Variants in ASIC2 observed in about 807,000 individuals in gnomAD.
ASIC2 encodes acid sensing ion channel subunit 2.
ASIC2 carries 25 observed loss-of-function variants against 57.3 expected under a neutral mutation model. The observed-to-expected ratio is 0.44, with a 90% CI of 0.32 to 0.61. The LOEUF (loss-of-function observed/expected upper bound fraction) is 0.61, where lower values mean the gene tolerates loss of function less well. Ranked by LOEUF, ASIC2 falls within the 20% of genes least tolerant of loss-of-function variation. The probability of loss-of-function intolerance (pLI) is 0.06; values close to 1 mark genes in which losing one functional copy is unlikely to be tolerated. For synonymous variants in ASIC2, 319 were observed against 307.5 expected (o/e 1.04, Z -0.39); for missense variants, 641 against 738.1 (o/e 0.87, Z 1.52).
chr17:33,793,797 T>G (rs551542730), intron 1 of ASIC2: 3 of 152,300 alleles, frequency 2.0e-5, no homozygotes, highest in Admixed American at 1.3e-4. Flanking sequence ...ATAATATACT[T>G]CGTCATTTGA....
At chr17:34,009,324 TC>T (rs1324397875) in intron 1 of ASIC2, among the ~76,000 whole-genome samples, 1 of 152,156 alleles carries the variant, frequency 6.6e-6, no homozygotes, top group East Asian at 1.9e-4. Context: ...GGCTGCATCA[TC>T]CAATGTGAAA....
chr17:33,810,416 T>C (rs889451040), intron 1 of ASIC2, among the ~76,000 whole-genome samples: 1 of 152,154 alleles, frequency 6.6e-6, no homozygotes, highest in Non-Finnish European at 1.5e-5. Flanking sequence ...TGTGTGGGGG[T>C]GGGCATCAGG....
intron 1 of ASIC2, among the ~76,000 whole-genome samples, chr17:33,165,854 C>T (rs1193597248): frequency 1.3e-5 from 2 of 152,144 alleles, no homozygotes; most frequent in African/African-American, 4.8e-5. Flanking sequence ...TTAGACTTCA[C>T]TTTCACTTAT....
At chr17:34,020,384 C>T (rs1177467659) in intron 1 of ASIC2, among the ~76,000 whole-genome samples, 2 of 152,148 alleles carry the variant, frequency 1.3e-5, no homozygotes, top group Non-Finnish European at 2.9e-5. Context: ...GCCACTGCCC[C>T]AGATCCAAGT....
rs1452831739 is a variant in ASIC2 at position 33,491,406 on chromosome 17, A to G, written c.556-379339T>C. On this transcript the variant is annotated intron_variant, in intron 1 of 9. Coordinates refer to the ASIC2 transcript ENST00000359872. Reference sequence around the variant, plus strand: ...GTCCCTGTCTGCAATTCATTTCCGCATTTCCTACAGTTTCTGGCTCCTCGA... The same window carrying G: ...GTCCCTGTCTGCAATTCATTTCCGCGTTTCCTACAGTTTCTGGCTCCTCGA... Among the ~76,000 whole-genome samples, 3 of 152,102 alleles carry G rather than the reference A, an allele frequency of 2.0e-5. No individual in the cohort carries two copies. In the East Asian group the frequency reaches 5.8e-4, roughly 29 times the overall value.
intron 1 of ASIC2, among the ~76,000 whole-genome samples, chr17:34,143,417 C>A (rs2142137984): frequency 6.6e-6 from 1 of 152,306 alleles, no homozygotes; most frequent in East Asian, 1.9e-4. Context: ...GTGATTACAT[C>A]ATTAAGATGA....
intron 1 of ASIC2, among the ~76,000 whole-genome samples, chr17:33,928,344 A>G (rs1915865767): frequency 6.6e-6 from 1 of 152,142 alleles, no homozygotes; most frequent in Non-Finnish European, 1.5e-5. Context: ...CGTGGGGGGC[A>G]GGGGCACTTC....
chr17:33,932,755 TATATATAG>T (rs1214698752), intron 1 of ASIC2: 1 of 131,718 alleles, frequency 7.6e-6, no homozygotes, highest in African/African-American at 2.9e-5. Context: ...TATATATATA[TATATATAG>T]TATGATAAAT....
chr17:33,741,583 G>A (rs1046852768), intron 1 of ASIC2, among the ~76,000 whole-genome samples: 1 of 152,210 alleles, frequency 6.6e-6, no homozygotes, highest in Non-Finnish European at 1.5e-5. Context: ...GGGTGATGAA[G>A]AGTCTCCTGG....
At chr17:33,132,640 A>G (rs573632746) in intron 1 of ASIC2, among the ~76,000 whole-genome samples, 23 of 152,312 alleles carry the variant, frequency 1.5e-4, no homozygotes, top group African/African-American at 5.5e-4. Flanking sequence ...CCTCTGGTAG[A>G]GTCCAATTTC....
chr17:33,448,952 C>T (rs947646942), intron 1 of ASIC2, among the ~76,000 whole-genome samples: 27 of 152,152 alleles, frequency 1.8e-4, no homozygotes, highest in African/African-American at 6.3e-4. Context: ...TTGGTGCTGC[C>T]TCTTAGTTAT....
chr17:33,227,645 G>A (rs1308455097), intron 1 of ASIC2, among the ~76,000 whole-genome samples: 1 of 152,098 alleles, frequency 6.6e-6, no homozygotes, highest in Admixed American at 6.5e-5. Flanking sequence ...AGTACCACAG[G>A]CCACAGTACT....
chr17:33,359,562 C>T (rs1194731569), intron 1 of ASIC2, among the ~76,000 whole-genome samples: 2 of 152,190 alleles, frequency 1.3e-5, no homozygotes, highest in Non-Finnish European at 2.9e-5. Context: ...AGTAGCAATG[C>T]TCAGGGCTCA....
chr17:33,285,461 CTATT>C (rs1905113355), intron 1 of ASIC2, among the ~76,000 whole-genome samples: 1 of 152,234 alleles, frequency 6.6e-6, no homozygotes, highest in Non-Finnish European at 1.5e-5. Flanking sequence ...GCCATCTGCA[CTATT>C]TGAGCTCTCC....
At chr17:33,170,613 G>A (rs557422663) in intron 1 of ASIC2, among the ~76,000 whole-genome samples, 39 of 152,122 alleles carry the variant, frequency 2.6e-4, no homozygotes, top group Middle Eastern at 6.3e-3. Flanking sequence ...GCTCTCTCAC[G>A]TAAATACCAA....
chr17:33,072,921 C>T (rs771606567), intron 3 of ASIC2, among the ~76,000 whole-genome samples: 9 of 152,256 alleles, frequency 5.9e-5, no homozygotes, highest in Non-Finnish European at 1.3e-4. Context: ...AGTGATGCAG[C>T]AATCAACGCC....
intron 1 of ASIC2, among the ~76,000 whole-genome samples, chr17:33,619,900 G>A (rs545922623): frequency 9.0e-4 from 137 of 152,106 alleles, no homozygotes; most frequent in African/African-American, 3.2e-3. Context: ...TTTTAACAAC[G>A]CATGAGAGAG....
chr17:33,618,055 A>G (rs977295), intron 1 of ASIC2, among the ~76,000 whole-genome samples: 1 of 151,786 alleles, frequency 6.6e-6, no homozygotes, highest in Non-Finnish European at 1.5e-5. Flanking sequence ...TCCTTCTCAG[A>G]CCAATAGTTG....
chr17:34,116,047 C>T (rs575226566), intron 1 of ASIC2, among the ~76,000 whole-genome samples: 3 of 152,082 alleles, frequency 2.0e-5, no homozygotes, highest in Admixed American at 2.0e-4. Flanking sequence ...AGATTAACAC[C>T]CAAACCACTT....
Sources: allele counts gnomAD v4.1 joint callset (sites outside exome capture counted in the v4.1 genomes callset), GRCh38; gene constraint gnomAD v4.1.1; transcripts MANE v1.5; gene names NCBI Gene and HGNC (gene_info 2026-07-23, HGNC 2026-07-21).